EPHB2: variants seen among roughly 807,000 people sequenced by gnomAD.
EPHB2 encodes ephrin type-B receptor 2.
EPHB2 carries 18 observed loss-of-function variants against 96.4 expected under a neutral mutation model. The ratio of observed to expected loss-of-function variants is 0.19; its 90% confidence interval spans 0.13 to 0.28. The LOEUF (loss-of-function observed/expected upper bound fraction) is 0.28, where lower values mean the gene tolerates loss of function less well. EPHB2 is among the 10% of genes least tolerant of loss of function. EPHB2 has a pLI of 1.00. For synonymous variants in EPHB2, 506 were observed against 534.1 expected, an observed-to-expected ratio of 0.95 and a Z score of 0.72; for missense variants, 989 against 1,355.4, an observed-to-expected ratio of 0.73 and a Z score of 4.25.
chr1:22,767,105 G>T (rs1182909004), intron 1 of EPHB2, among the ~76,000 whole-genome samples: 3 of 152,232 alleles, frequency 2.0e-5, no homozygotes, highest in Non-Finnish European at 4.4e-5. Context: ...GCTGTCTCCA[G>T]GTCACACTGG....
intron 5 of EPHB2, among the ~76,000 whole-genome samples, chr1:22,873,965 G>A (rs1219185812): frequency 6.6e-6 from 1 of 152,210 alleles, no homozygotes; most frequent in African/African-American, 2.4e-5. Flanking sequence ...AGAATGGATA[G>A]TTGTAGCGTC....
At chr1:22,861,438 G>C (rs1638255719) in intron 3 of EPHB2, among the ~76,000 whole-genome samples, 1 of 152,144 alleles carries the variant, frequency 6.6e-6, no homozygotes, top group Admixed American at 6.5e-5. Flanking sequence ...AGGAGTTCAA[G>C]ACCAGCCTGA....
intron 1 of EPHB2, among the ~76,000 whole-genome samples, chr1:22,778,386 G>C (rs1392365367): frequency 6.6e-6 from 1 of 152,232 alleles, no homozygotes; most frequent in Non-Finnish European, 1.5e-5. Flanking sequence ...CCAGATCTCT[G>C]TTACCTCCAG....
intron 3 of EPHB2, among the ~76,000 whole-genome samples, chr1:22,859,741 C>T (rs924056964): frequency 4.6e-5 from 7 of 151,914 alleles, no homozygotes; most frequent in Non-Finnish European, 7.4e-5. Context: ...TGCAGTGAGC[C>T]GAGATTGTGC....
chr1:22,905,907 C>T (rs309502), intron 9 of EPHB2, 80 bp from the exon 10 acceptor site: 842,971 of 1,606,716 alleles, frequency 0.52, 225,103 homozygotes, highest in African/African-American at 0.72. Context: ...TTTCCCTCCA[C>T]GGAGGGACTG....
At chr1:22,720,003 G>A (rs542696611) in intron 1 of EPHB2, among the ~76,000 whole-genome samples, 1 of 152,318 alleles carries the variant, frequency 6.6e-6, no homozygotes, top group South Asian at 2.1e-4. Flanking sequence ...CAGCTAGGTT[G>A]GGCTGGAAAT....
At chr1:22,720,006 C>G (rs1421039697) in intron 1 of EPHB2, among the ~76,000 whole-genome samples, 1 of 152,178 alleles carries the variant, frequency 6.6e-6, no homozygotes, top group Non-Finnish European at 1.5e-5. Context: ...CTAGGTTGGG[C>G]TGGAAATTCC....
At chr1:22,748,527 G>T (rs953302815) in intron 1 of EPHB2, among the ~76,000 whole-genome samples, 1 of 151,800 alleles carries the variant, frequency 6.6e-6, no homozygotes, top group African/African-American at 2.4e-5. Flanking sequence ...GATTACAGGT[G>T]CACACCATCA....
At chr1:22,774,491 G>C (rs1394361069) in intron 1 of EPHB2, 2 of 868,172 alleles carry the variant, frequency 2.3e-6, no homozygotes, top group Non-Finnish European at 2.8e-6. Flanking sequence ...AGTTAGCCAG[G>C]CTAACAAAGC....
intron 1 of EPHB2, among the ~76,000 whole-genome samples, chr1:22,736,661 C>T (rs1557644078): frequency 6.6e-6 from 1 of 152,348 alleles, no homozygotes; most frequent in Admixed American, 6.5e-5. Flanking sequence ...CGCAGCGCGG[C>T]ATGTTTGCGC....
At chr1:22,899,227 C>T (rs986099021) in intron 9 of EPHB2, among the ~76,000 whole-genome samples, 2 of 144,884 alleles carry the variant, frequency 1.4e-5, no homozygotes, top group African/African-American at 5.2e-5. Context: ...TGGGGCCAGG[C>T]GCAGTGGCTC....
chr1:22,714,160 G>C (rs181507862), intron 1 of EPHB2, among the ~76,000 whole-genome samples: 18 of 152,302 alleles, frequency 1.2e-4, no homozygotes, highest in African/African-American at 4.1e-4. Context: ...AAGCTGACAG[G>C]GAAAAGAGTG....
intron 1 of EPHB2, among the ~76,000 whole-genome samples, chr1:22,711,627 C>T (rs1217315711): frequency 2.0e-5 from 3 of 151,968 alleles, no homozygotes; most frequent in African/African-American, 7.2e-5. Context: ...CCGCGGCGTA[C>T]AATGGGGTCC....
At chr1:22,894,334 A>G (rs1385225607) in intron 7 of EPHB2, among the ~76,000 whole-genome samples, 1 of 152,170 alleles carries the variant, frequency 6.6e-6, no homozygotes, top group Admixed American at 6.6e-5. Flanking sequence ...GCGGTGGCTC[A>G]CACCTGTAAT....
At position 22,803,395 on chromosome 1, in the gene EPHB2, C is replaced by T. The variant is rs148159317; in HGVS notation, c.811+18319C>T. 5.0e-3 allele frequency among the ~76,000 whole-genome samples: 756 copies of T among 151,924 alleles called. 3 individuals carry two copies. Among genetic ancestry groups the T allele is most frequent in the Non-Finnish European group, 5.7e-3 (387 of 67,962 alleles). ...GCTGAAGCTGGAGGATCACTTGAGC[C>T]CAGGGGTTCAAGACTAGCCTGGGCA... On this transcript the variant is annotated intron_variant, in intron 3 of 15. Coordinates refer to ENST00000374630, the MANE Select transcript of EPHB2 (RefSeq NM_017449.5).
chr1:22,814,808 C>T (rs1030675201), intron 3 of EPHB2, among the ~76,000 whole-genome samples: 1 of 152,260 alleles, frequency 6.6e-6, no homozygotes, highest in African/African-American at 2.4e-5. Flanking sequence ...GCCGAGGCCA[C>T]TGGCAGCCGT....
At chr1:22,739,128 C>T (rs1213190398) in intron 1 of EPHB2, among the ~76,000 whole-genome samples, 3 of 152,220 alleles carry the variant, frequency 2.0e-5, no homozygotes, top group African/African-American at 7.2e-5. Context: ...CAGCCTCGAA[C>T]TCCTGGGCTT....
intron 1 of EPHB2, among the ~76,000 whole-genome samples, chr1:22,715,695 T>A (rs546943745): frequency 6.6e-6 from 1 of 152,178 alleles, no homozygotes; most frequent in South Asian, 2.1e-4. Flanking sequence ...TTTTAAAGAG[T>A]CACCAGGCAC....
chr1:22,835,365 G>A (rs137999688), intron 3 of EPHB2, among the ~76,000 whole-genome samples: 236 of 152,234 alleles, frequency 1.6e-3, no homozygotes, highest in Non-Finnish European at 2.6e-3. Context: ...GGGTGACAGA[G>A]CAAGACCCCA....
Sources: gnomAD v4.1 joint callset for allele counts (sites outside exome capture counted in the v4.1 genomes callset) on GRCh38, gnomAD v4.1.1 for gene constraint, MANE v1.5 for transcripts, NCBI Gene and HGNC (gene_info 2026-07-23, HGNC 2026-07-21) for gene names.